MCC: variants seen among roughly 807,000 people sequenced by gnomAD.
The protein encoded by MCC is MCC regulator of Wnt signaling pathway.
In MCC, 90 loss-of-function variants were observed where a neutral mutation model predicts 116.2. The observed-to-expected ratio is 0.77, with a 90% CI of 0.65 to 0.92. MCC has a LOEUF of 0.92. Ranked by LOEUF, MCC falls within the 40% of genes least tolerant of loss-of-function variation. The pLI is 0.00. For synonymous variants in MCC, 578 were observed against 510.5 expected (o/e 1.13, Z -1.78); for missense variants, 1,516 against 1,312.2 (o/e 1.16, Z -2.40).
At chr5:113,190,509 A>G (rs563237800) in intron 3 of MCC, among the ~76,000 whole-genome samples, 1 of 152,164 alleles carries the variant, frequency 6.6e-6, no homozygotes, top group Admixed American at 6.5e-5. Flanking sequence ...CCAGATTAAA[A>G]CAAAGAAAAG....
At chr5:113,156,272 C>G (rs1454770875) in intron 3 of MCC, among the ~76,000 whole-genome samples, 1 of 152,220 alleles carries the variant, frequency 6.6e-6, no homozygotes, top group Non-Finnish European at 1.5e-5. Flanking sequence ...AAGCTGGGTT[C>G]AAATCTTATC....
At chr5:113,128,694 C>T (rs1758243337) in intron 5 of MCC, among the ~76,000 whole-genome samples, 1 of 152,044 alleles carries the variant, frequency 6.6e-6, no homozygotes. Context: ...CAAGAACTTC[C>T]AAATATTAAA....
intron 3 of MCC, among the ~76,000 whole-genome samples, chr5:113,219,536 T>C (rs1196898994): frequency 1.3e-5 from 2 of 152,372 alleles, no homozygotes; most frequent in East Asian, 1.9e-4. Context: ...TAGATGATTT[T>C]GTATTACGTT....
At chr5:113,318,598 C>T (rs963868493) in intron 3 of MCC, among the ~76,000 whole-genome samples, 13 of 152,030 alleles carry the variant, frequency 8.6e-5, no homozygotes, top group East Asian at 7.7e-4. Context: ...ACAAATACTG[C>T]ACGTTCTTAC....
chr5:113,349,537 A>G (rs1268241418), intron 2 of MCC, among the ~76,000 whole-genome samples: 2 of 152,120 alleles, frequency 1.3e-5, no homozygotes, highest in African/African-American at 4.8e-5. Flanking sequence ...TATAGAAGGG[A>G]TATACCTAAA....
intron 14 of MCC, among the ~76,000 whole-genome samples, chr5:113,056,745 A>T (rs1243598260): frequency 6.6e-6 from 1 of 152,224 alleles, no homozygotes; most frequent in Admixed American, 6.5e-5. Context: ...AAAAAAATAG[A>T]AATGTTTACA....
chr5:113,329,103 A>G (rs1472194906), intron 3 of MCC, among the ~76,000 whole-genome samples: 1 of 152,178 alleles, frequency 6.6e-6, no homozygotes, highest in Admixed American at 6.5e-5. Context: ...GTAAATGGGG[A>G]TCATACCTAT....
chr5:113,086,805 A>T (rs751432534), intron 8 of MCC, among the ~76,000 whole-genome samples: 13 of 150,822 alleles, frequency 8.6e-5, no homozygotes, highest in Non-Finnish European at 1.8e-4. Flanking sequence ...AGCACTAGGA[A>T]ATTTAAGACA....
At chr5:113,204,898 A>G (rs1762844102) in intron 3 of MCC, among the ~76,000 whole-genome samples, 1 of 152,228 alleles carries the variant, frequency 6.6e-6, no homozygotes, top group South Asian at 2.1e-4. Context: ...GCAAATATGA[A>G]TAGTACAGAA....
At chr5:113,341,299 G>A (rs1409148723) in intron 2 of MCC, among the ~76,000 whole-genome samples, 3 of 151,548 alleles carry the variant, frequency 2.0e-5, no homozygotes, top group African/African-American at 4.8e-5. Context: ...TTGTGATCAC[G>A]GCTCATTGTA....
intron 8 of MCC, among the ~76,000 whole-genome samples, chr5:113,094,613 G>A (rs1430122488): frequency 6.6e-6 from 1 of 151,904 alleles, no homozygotes; most frequent in Non-Finnish European, 1.5e-5. Context: ...GTAGAGACGG[G>A]GTTTCACTAT....
At chr5:113,458,053 C>G (rs946164023) in intron 1 of MCC, among the ~76,000 whole-genome samples, 1 of 152,190 alleles carries the variant, frequency 6.6e-6, no homozygotes, top group Non-Finnish European at 1.5e-5. Context: ...CCTGTCAAAA[C>G]AGACCACTCG....
intron 3 of MCC, among the ~76,000 whole-genome samples, chr5:113,292,132 T>C (rs1340025258): frequency 6.6e-6 from 1 of 152,042 alleles, no homozygotes; most frequent in Non-Finnish European, 1.5e-5. Flanking sequence ...CTCGGGAGAC[T>C]GAGGTAAGAG....
intron 1 of MCC, among the ~76,000 whole-genome samples, chr5:113,487,461 T>C (rs1772565318): frequency 6.6e-6 from 1 of 152,220 alleles, no homozygotes; most frequent in Non-Finnish European, 1.5e-5. Context: ...CAGAAGTAAT[T>C]ATTTGGCCAA....
chr5:113,062,395 A>T (rs1448148989), intron 14 of MCC, among the ~76,000 whole-genome samples: 1 of 152,214 alleles, frequency 6.6e-6, no homozygotes, highest in East Asian at 1.9e-4. Context: ...CTGGTTCTAA[A>T]TTTGTCTCTG....
rs2150439490 is a variant in MCC, at chr5:113,488,363, C to CGCT, written c.51_52insAGC (p.Gly17_Gly18insSer). On this transcript the variant is annotated inframe_insertion, in exon 1 of 19. Transcript: ENST00000408903. ...CTGCTGCTGCCGCTGCCGCCGCCGC[C>CGCT]GCCGCCGCTGCTGGAGCTCCCCGCA... is the stretch of plus-strand genomic sequence containing the variant. 1 of 1,476,898 alleles carries CGCT rather than the reference C, an allele frequency of 6.8e-7. No individual in the cohort carries two copies. Among genetic ancestry groups the CGCT allele is most frequent in the Non-Finnish European group, 9.1e-7 (1 of 1,104,944 alleles). 91.5% of individuals were successfully genotyped at this position (1,476,898 alleles called of 1,614,324 possible).
intron 1 of MCC, among the ~76,000 whole-genome samples, chr5:113,410,003 T>A (rs1207103402): frequency 6.6e-6 from 1 of 152,246 alleles, no homozygotes; most frequent in Non-Finnish European, 1.5e-5. Flanking sequence ...TATATATTGA[T>A]AGATACAGAA....
intron 9 of MCC, 139 bp from the exon 10 acceptor site, chr5:113,084,329 T>G: frequency 3.0e-6 from 2 of 660,874 alleles, no homozygotes; most frequent in Non-Finnish European, 5.2e-6. Flanking sequence ...CACGTCCAAT[T>G]TTTCTACCAC....
chr5:113,357,648 T>C (rs1768446462), intron 2 of MCC, among the ~76,000 whole-genome samples: 1 of 152,190 alleles, frequency 6.6e-6, no homozygotes, highest in Non-Finnish European at 1.5e-5. Flanking sequence ...GGCTCAACCA[T>C]GTGCACTAAG....
Sources: gnomAD v4.1 joint callset for allele counts (sites outside exome capture counted in the v4.1 genomes callset) on GRCh38, gnomAD v4.1.1 for gene constraint, MANE v1.5 for transcripts, NCBI Gene and HGNC (gene_info 2026-07-23, HGNC 2026-07-21) for gene names.